AKAP9: variants seen among roughly 807,000 people sequenced by gnomAD.
AKAP9 encodes A-kinase anchor protein 9.
AKAP9 carries 311 observed loss-of-function variants against 488.5 expected under a neutral mutation model. The ratio of observed to expected loss-of-function variants is 0.64; its 90% CI spans 0.58 to 0.70. AKAP9 has a LOEUF of 0.70. Ranked by LOEUF, AKAP9 falls within the 30% of genes least tolerant of loss-of-function variation. The pLI is 0.00. For synonymous variants in AKAP9, 1,462 were observed against 1,483.5 expected, an observed-to-expected ratio of 0.99 and a Z score of 0.33; for missense variants, 4,215 against 4,374.5, an observed-to-expected ratio of 0.96 and a Z score of 1.03.
At chr7:92,068,725 T>C (rs920743229) in intron 26 of AKAP9, among the ~76,000 whole-genome samples, 1 of 152,252 alleles carries the variant, frequency 6.6e-6, no homozygotes, top group Non-Finnish European at 1.5e-5. Context: ...TTTTTTCCTT[T>C]TTTTTCTTTT....
intron 2 of AKAP9, among the ~76,000 whole-genome samples, chr7:91,978,022 G>T (rs1011267285): frequency 3.9e-5 from 6 of 152,022 alleles, no homozygotes; most frequent in Non-Finnish European, 7.4e-5. Context: ...TGGGCAGATC[G>T]CTAGAAGTTA....
Position 91,941,067 on chromosome 7 carries a change from C to A in AKAP9, c.-33C>A. 1 of 1,604,414 alleles carries A rather than the reference C, an allele frequency of 6.2e-7. No individual in the cohort carries two copies. The highest frequency in any genetic ancestry group is 8.5e-7 in the Non-Finnish European group (1 of 1,171,182). On this transcript the variant is annotated 5_prime_UTR_variant, in exon 1 of 50. Transcript: ENST00000356239. Reference sequence around the variant, plus strand: ...CTTTCTATCCCCAACCACCCCTCAACCCCTGTTTTCCCCTGCCTTCCTTGC... The same window carrying A: ...CTTTCTATCCCCAACCACCCCTCAAACCCTGTTTTCCCCTGCCTTCCTTGC...
chr7:91,953,173 A>T (rs555893110), intron 1 of AKAP9, among the ~76,000 whole-genome samples: 25 of 152,356 alleles, frequency 1.6e-4, no homozygotes, highest in Admixed American at 1.4e-3. Flanking sequence ...AGGTAAAATC[A>T]GCAGAACTTG....
At chr7:92,038,329 G>A (rs1212568298) in intron 16 of AKAP9, 90 bp from the exon 17 acceptor site, 2 of 1,024,396 alleles carry the variant, frequency 2.0e-6, no homozygotes, top group African/African-American at 1.6e-5. Flanking sequence ...GCTTTTTTCT[G>A]TTTATACAAT....
chr7:91,941,326 G>T (rs1204430545), intron 1 of AKAP9, among the ~76,000 whole-genome samples, 179 bp downstream of exon 1: 2 of 152,158 alleles, frequency 1.3e-5, no homozygotes, highest in Non-Finnish European at 2.9e-5. Flanking sequence ...TTCCAGTTGG[G>T]GGACAAAGCC....
At chr7:92,043,361 C>CG (rs1806426465) in intron 20 of AKAP9, 1 of 981,278 alleles carries the variant, frequency 1.0e-6, no homozygotes, top group Non-Finnish European at 1.2e-6. Context: ...GTATGGAACT[C>CG]AAACAAGAAA....
chr7:92,049,388 G>A (rs1430846595), intron 21 of AKAP9, among the ~76,000 whole-genome samples: 2 of 152,084 alleles, frequency 1.3e-5, no homozygotes, highest in Non-Finnish European at 2.9e-5. Flanking sequence ...GAGGTGGGTG[G>A]ATCACACGGT....
In AKAP9 at chr7:92,020,576, T is replaced by G. The variant is rs1233245614; in HGVS notation, c.3838-1662T>G. Among the ~76,000 whole-genome samples, 9 of 152,346 alleles carry G rather than the reference T, an allele frequency of 5.9e-5. No homozygotes were observed. In the East Asian group the frequency reaches 1.7e-3, roughly 29 times the overall value. ...GTAGCTCCTTATACACATTTGCATT[T>G]GTATCACATTACTTTTCATGTTATA... On this transcript the variant is annotated intron_variant, in intron 12 of 49. Transcript: ENST00000356239.
chr7:92,014,338 TTAAA>T lies in AKAP9; in HGVS notation c.3612+11_3612+14del. 1 of 1,584,854 alleles carries T rather than the reference TTAAA, an allele frequency of 6.3e-7. No individual in the cohort carries two copies. Among genetic ancestry groups the T allele is most frequent in the Non-Finnish European group, 8.7e-7 (1 of 1,155,178 alleles). ...TTCTTATTTTTTACAGGTAAAATGT[TTAAA>T]AGTACTTTTATGGCCAGATGTGGTG... On this transcript the variant is annotated intron_variant, in intron 10 of 49. Transcript: ENST00000356239.
chr7:91,981,631 A>T (rs1004122012), intron 3 of AKAP9, among the ~76,000 whole-genome samples: 1 of 125,468 alleles, frequency 8.0e-6, no homozygotes, highest in Non-Finnish European at 1.6e-5. Flanking sequence ...TTTCACCAAG[A>T]TGGAGTCTCA....
At chr7:91,984,731 A>G (rs915968092) in intron 3 of AKAP9, among the ~76,000 whole-genome samples, 4 of 152,148 alleles carry the variant, frequency 2.6e-5, no homozygotes, top group Admixed American at 2.6e-4. Context: ...CAGTGTGGCC[A>G]TTTTCACAAT....
intron 22 of AKAP9, among the ~76,000 whole-genome samples, chr7:92,054,834 G>A (rs936680635): frequency 6.6e-6 from 1 of 151,906 alleles, no homozygotes; most frequent in African/African-American, 2.4e-5. Flanking sequence ...TTTCATGATA[G>A]TATGAAAAAG....
rs553507413 is a variant in AKAP9 at position 92,109,088 on chromosome 7, C to T, written c.11686+455C>T. On this transcript the variant is annotated intron_variant, in intron 49 of 49. Coordinates refer to ENST00000356239, the MANE Select transcript of AKAP9 (RefSeq NM_005751.5). ...AAAGAAAGTGGTAAGGCATGCAAAT[C>T]GGGTGGAGTTAAGGAGGAAGCACTT... The T allele has an allele frequency of 5.0e-5, 13 of 258,124 alleles. No homozygotes were observed. The East Asian group carries it at 6.0e-4, about 12-fold the overall frequency. The allele number at this position is 258,124 out of a possible 1,614,324, so 16.0% of individuals were successfully genotyped here.
intron 3 of AKAP9, among the ~76,000 whole-genome samples, chr7:91,983,116 G>A (rs961614477): frequency 2.0e-5 from 3 of 151,392 alleles, no homozygotes; most frequent in Non-Finnish European, 4.4e-5. Context: ...GGTTTGCTAC[G>A]TAGGTATACA....
chr7:92,066,975 A>G (rs1206574060), intron 26 of AKAP9, among the ~76,000 whole-genome samples: 1 of 152,214 alleles, frequency 6.6e-6, no homozygotes, highest in African/African-American at 2.4e-5. Context: ...CCTCATGGCT[A>G]TGGCTAATAT....
rs1346274347 is a variant in AKAP9 at position 92,102,758 on chromosome 7, G to C, written c.11262G>C (p.Val3754=). 1 of 1,614,194 alleles carries C rather than the reference G, an allele frequency of 6.2e-7. No individual in the cohort carries two copies. The highest frequency in any genetic ancestry group is 2.2e-5 in the East Asian group (1 of 44,880). The stretch of plus-strand genomic sequence containing the variant: ...AGCCAGCTTTCACGGATCTAGAGGT[G>C]ATCACCAATCGCCCAAAGGGCTTCA... ...GGQPAFTDLE[V]ITNRPKGFTR... Residue 3754 remains valine (V), a synonymous_variant, in exon 46 of 50, where the codon GTG becomes GTC. Transcript: ENST00000356239.
At chr7:91,980,394 T>A in intron 3 of AKAP9, 61 bp downstream of exon 3, 1 of 815,368 alleles carries the variant, frequency 1.2e-6, no homozygotes, top group Non-Finnish European at 1.8e-6. Context: ...ATTATTGAAA[T>A]CATTGATTGT....
At position 92,063,114 on chromosome 7, in the gene AKAP9, T is replaced by C. The variant is rs764736350; in HGVS notation, c.5977+628T>C. ...TCCTGTTTACCATGTCCTCTCACTTTTATATTACACGTGCAGTTGGATTTT... is the reference window on the plus strand; with the variant it reads ...TCCTGTTTACCATGTCCTCTCACTTCTATATTACACGTGCAGTTGGATTTT... On this transcript the variant is annotated intron_variant, in intron 24 of 49. Transcript: ENST00000356239. 3.3e-5 allele frequency among the ~76,000 whole-genome samples: 5 copies of C among 152,228 alleles called. No homozygotes were observed. In the East Asian group the frequency reaches 9.6e-4, roughly 29 times the overall value.
intron 1 of AKAP9, among the ~76,000 whole-genome samples, chr7:91,969,376 A>G (rs576340154): frequency 3.8e-4 from 58 of 152,304 alleles, no homozygotes; most frequent in African/African-American, 1.3e-3. Context: ...GATGAAAACA[A>G]TACTCTTCAG....
Sources: allele counts gnomAD v4.1 joint callset (sites outside exome capture counted in the v4.1 genomes callset), GRCh38; gene constraint gnomAD v4.1.1; transcripts MANE v1.5; gene names NCBI Gene and HGNC (gene_info 2026-07-23, HGNC 2026-07-21).